The following CFAP20DC variants were observed in gnomAD, a reference collection of about 807,000 sequenced individuals.
CFAP20DC encodes CFAP20 domain containing, also known as protein CFAP20DC.
In CFAP20DC, 84 loss-of-function variants were observed where a neutral mutation model predicts 101.7. The ratio of observed to expected loss-of-function variants is 0.83; its 90% confidence interval spans 0.69 to 0.99. The LOEUF (loss-of-function observed/expected upper bound fraction) is 0.99, where lower values mean the gene tolerates loss of function less well. CFAP20DC is among the 50% of genes least tolerant of loss of function. The pLI, the probability that CFAP20DC is intolerant of heterozygous loss-of-function variation, is 0.00. For synonymous variants in CFAP20DC, 359 were observed against 351.2 expected (o/e 1.02, Z -0.25); for missense variants, 1,007 against 970.3 (o/e 1.04, Z -0.50).
intron 14 of CFAP20DC, among the ~76,000 whole-genome samples, chr3:58,820,863 T>G (rs2075581544): frequency 6.7e-6 from 1 of 149,762 alleles, no homozygotes; most frequent in Non-Finnish European, 1.5e-5. Context: ...AGAAGAAAGC[T>G]GGAGCCATCA....
At chr3:58,789,805 A>C (rs1319629693) in intron 15 of CFAP20DC, among the ~76,000 whole-genome samples, 1 of 152,184 alleles carries the variant, frequency 6.6e-6, no homozygotes, top group Non-Finnish European at 1.5e-5. Context: ...TATTGTGAGT[A>C]AATTAGGCTT....
chr3:58,792,291 T>G (rs1218978691), intron 15 of CFAP20DC, among the ~76,000 whole-genome samples: 1 of 152,156 alleles, frequency 6.6e-6, no homozygotes, highest in Admixed American at 6.5e-5. Context: ...TTATTTGCGT[T>G]TGGGCTAGAT....
chr3:58,981,394 G>A (rs1314824622), intron 4 of CFAP20DC, among the ~76,000 whole-genome samples: 9 of 151,990 alleles, frequency 5.9e-5, no homozygotes, highest in Admixed American at 2.0e-4. Context: ...AGCCCGCATC[G>A]CCAAGTCAAT....
chr3:58,837,998 A>G (rs1404650841), intron 13 of CFAP20DC, among the ~76,000 whole-genome samples: 2 of 152,144 alleles, frequency 1.3e-5, no homozygotes, highest in African/African-American at 4.8e-5. Context: ...TCAGATTCTC[A>G]AGCTAGGCAT....
At chr3:58,970,015 T>C (rs866187376) in intron 4 of CFAP20DC, among the ~76,000 whole-genome samples, 1 of 152,166 alleles carries the variant, frequency 6.6e-6, no homozygotes, top group Non-Finnish European at 1.5e-5. Flanking sequence ...TTTTATGATA[T>C]GTGGATTATA....
intron 13 of CFAP20DC, among the ~76,000 whole-genome samples, chr3:58,838,408 T>C (rs942524751): frequency 2.0e-5 from 3 of 152,112 alleles, no homozygotes; most frequent in African/African-American, 7.2e-5. Context: ...CCTGAAGACA[T>C]TTCATAAGCC....
At chr3:58,767,991 T>C (rs1467220196) in intron 15 of CFAP20DC, among the ~76,000 whole-genome samples, 1 of 152,224 alleles carries the variant, frequency 6.6e-6, no homozygotes, top group Non-Finnish European at 1.5e-5. Flanking sequence ...GCGTTTCTCC[T>C]ACCCTTACCC....
intron 6 of CFAP20DC, among the ~76,000 whole-genome samples, chr3:58,888,906 G>A (rs960282537): frequency 3.9e-5 from 6 of 151,974 alleles, no homozygotes; most frequent in Non-Finnish European, 8.8e-5. Flanking sequence ...CTTCCATGAT[G>A]GATGAACTAT....
intron 15 of CFAP20DC, among the ~76,000 whole-genome samples, chr3:58,801,032 G>A (rs1161473732): frequency 1.5e-5 from 2 of 132,882 alleles, no homozygotes; most frequent in African/African-American, 6.1e-5. Flanking sequence ...GTGGGGTGGG[G>A]TGGGGGTGGG....
chr3:58,745,730 G>A (rs1438012327), intron 16 of CFAP20DC, among the ~76,000 whole-genome samples: 3 of 152,148 alleles, frequency 2.0e-5, no homozygotes, highest in Non-Finnish European at 4.4e-5. Context: ...CAGGATGGAA[G>A]TACTGATGTC....
rs915367643 is a variant in CFAP20DC at position 58,868,728 on chromosome 3, A to C, written c.1015+600T>G. Among the ~76,000 whole-genome samples, 1 of 152,204 alleles carries C rather than the reference A, an allele frequency of 6.6e-6. No individual in the cohort carries two copies. Among genetic ancestry groups the C allele is most frequent in the Non-Finnish European group, 1.5e-5 (1 of 68,018 alleles). On this transcript the variant is annotated intron_variant, in intron 9 of 16. Coordinates refer to ENST00000482387, the MANE Select transcript of CFAP20DC (RefSeq NM_001394063.1). The surrounding 1 kb of genome is among the most constrained non-coding windows in gnomAD (Gnocchi z 4.6). Reference sequence around the variant, plus strand: ...ATTAATTTGTAAATAATATAAAATGAACTTAAATGTCCTCCCTTTTCAACT... The same window carrying C: ...ATTAATTTGTAAATAATATAAAATGCACTTAAATGTCCTCCCTTTTCAACT...
At chr3:58,877,302 C>T (rs771341512) in intron 7 of CFAP20DC, among the ~76,000 whole-genome samples, 23 of 152,256 alleles carry the variant, frequency 1.5e-4, no homozygotes, top group African/African-American at 2.2e-4. Flanking sequence ...CACAGTCTGA[C>T]GGGCAGACAG....
chr3:58,830,739 T>C (rs1179965079), intron 14 of CFAP20DC, among the ~76,000 whole-genome samples: 5 of 152,348 alleles, frequency 3.3e-5, no homozygotes, highest in Middle Eastern at 6.8e-3. Flanking sequence ...GATGAAAGTA[T>C]ATTTTAGTCT....
At chr3:59,035,738 C>G (rs547264003) in intron 4 of CFAP20DC, among the ~76,000 whole-genome samples, 2 of 152,070 alleles carry the variant, frequency 1.3e-5, no homozygotes, top group African/African-American at 4.8e-5. Flanking sequence ...CAGAACCAGA[C>G]AGATTCACAG....
rs533288285 is a variant in CFAP20DC, at chr3:58,851,981, T to C, written c.1594-2572A>G. ...TTGGCTAACTTTCTCAAACCACTCT[T>C]ATAATAAGCAGATGTTCTTGTTCTT... On this transcript the variant is annotated intron_variant, in intron 12 of 16. Coordinates refer to ENST00000482387, the MANE Select transcript of CFAP20DC (RefSeq NM_001394063.1). 2.6e-5 allele frequency among the ~76,000 whole-genome samples: 4 copies of C among 152,310 alleles called. No homozygotes were observed. In the East Asian group the frequency reaches 5.8e-4, roughly 22 times the overall value.
rs961465006 is a variant in CFAP20DC at position 58,912,048 on chromosome 3, A to G, written c.550+1660T>C. ...CTCTTCTAAGTCATTGCTTAATCTT[A>G]TAAAATTTACAAACGTCTCTTGTCC... On this transcript the variant is annotated intron_variant, in intron 6 of 16. Transcript: ENST00000482387. The surrounding 1 kb of genome is among the most constrained non-coding windows in gnomAD (Gnocchi z 4.4). Among the ~76,000 whole-genome samples, 1 of 152,120 alleles carries G rather than the reference A, an allele frequency of 6.6e-6. No individual in the cohort carries two copies. The highest frequency in any genetic ancestry group is 2.1e-4 in the South Asian group (1 of 4,822).
At chr3:58,853,397 C>T (rs1410172929) in intron 12 of CFAP20DC, among the ~76,000 whole-genome samples, 2 of 152,052 alleles carry the variant, frequency 1.3e-5, no homozygotes, top group Non-Finnish European at 2.9e-5. Context: ...CCGAATTCTA[C>T]CAGAGGTACA....
chr3:58,924,786 G>C (rs1208374500), intron 5 of CFAP20DC, among the ~76,000 whole-genome samples: 1 of 151,974 alleles, frequency 6.6e-6, no homozygotes, highest in Non-Finnish European at 1.5e-5. Context: ...ATGTGTGATG[G>C]TATTTCACTG....
chr3:58,878,319 A>G (rs2080930095), intron 7 of CFAP20DC, among the ~76,000 whole-genome samples: 1 of 152,192 alleles, frequency 6.6e-6, no homozygotes, highest in Non-Finnish European at 1.5e-5. Context: ...CTAAAATTAG[A>G]TCTCTTTCTC....
Sources: allele counts gnomAD v4.1 joint callset (sites outside exome capture counted in the v4.1 genomes callset), GRCh38; gene constraint gnomAD v4.1.1; non-coding constraint Gnocchi (gnomAD v3.1); transcripts MANE v1.5; gene names NCBI Gene and HGNC (gene_info 2026-07-23, HGNC 2026-07-21).